LRP1B: variants seen among roughly 807,000 people sequenced by gnomAD.
The protein encoded by LRP1B is low-density lipoprotein receptor-related protein 1B.
In LRP1B, 217 loss-of-function variants were observed where a neutral mutation model predicts 556.6. The observed-to-expected ratio is 0.39, with a 90% confidence interval of 0.35 to 0.44. The LOEUF (loss-of-function observed/expected upper bound fraction) is 0.44. Among genes scored for constraint, LRP1B ranks in the 20% least tolerant of loss-of-function variants. The probability of loss-of-function intolerance (pLI) is 1.00; values close to 1 mark genes in which losing one functional copy is unlikely to be tolerated. For synonymous variants in LRP1B, 2,047 were observed against 1,865.8 expected (o/e 1.10, Z -2.50); for missense variants, 5,053 against 5,620.8 (o/e 0.90, Z 3.23).
intron 7 of LRP1B, among the ~76,000 whole-genome samples, chr2:141,161,345 G>A (rs569226425): frequency 2.0e-5 from 3 of 152,162 alleles, no homozygotes; most frequent in Non-Finnish European, 2.9e-5. Context: ...AAAACGATGA[G>A]CAAAAAGTAA....
intron 22 of LRP1B, among the ~76,000 whole-genome samples, chr2:140,907,588 C>T (rs552788820): frequency 3.3e-5 from 5 of 152,132 alleles, no homozygotes. Context: ...AGTTCAACTG[C>T]GGGAACATCA....
intron 31 of LRP1B, among the ~76,000 whole-genome samples, chr2:140,832,091 G>A (rs2105077593): frequency 6.6e-6 from 1 of 152,204 alleles, no homozygotes; most frequent in South Asian, 2.1e-4. Flanking sequence ...TAATACAGTT[G>A]ACCTTCAATC....
chr2:140,789,617 A>ATTTTT (rs1690035095), intron 32 of LRP1B, among the ~76,000 whole-genome samples: 4 of 85,194 alleles, frequency 4.7e-5, no homozygotes, highest in Non-Finnish European at 7.5e-5. Context: ...AGCTTTAAGG[A>ATTTTT]CTTTTTTTTT....
intron 18 of LRP1B, among the ~76,000 whole-genome samples, chr2:140,971,490 C>A (rs893513695): frequency 3.9e-5 from 6 of 152,130 alleles, no homozygotes; most frequent in Admixed American, 3.9e-4. Context: ...CTAAAAAATT[C>A]TAATTGGTAG....
At chr2:141,227,437 A>G (rs1227816425) in intron 6 of LRP1B, among the ~76,000 whole-genome samples, 1 of 152,202 alleles carries the variant, frequency 6.6e-6, no homozygotes, top group Non-Finnish European at 1.5e-5. Context: ...AAATACTTAT[A>G]TCAGAAGGCA....
intron 82 of LRP1B, 97 bp downstream of exon 82, chr2:140,321,866 C>T (rs1680152337): frequency 3.2e-6 from 4 of 1,237,594 alleles, no homozygotes; most frequent in Admixed American, 2.2e-5. Flanking sequence ...GGTAGCTAAA[C>T]TGATGATGGA....
chr2:140,886,394 C>T lies in LRP1B; in HGVS notation c.3767-59G>A, dbSNP rs189733635. ...AAATGTAAACTCTGGTAATGAAATG[C>T]TTGGGATCAAAATATATTATTTAAA... On this transcript the variant is annotated intron_variant, in intron 23 of 90. Transcript: ENST00000389484. The T allele has an allele frequency of 5.5e-5, 47 of 858,302 alleles. No individual in the cohort carries two copies. The East Asian group carries it at 1.3e-3, about 24-fold the overall frequency. 53.2% of individuals were successfully genotyped at this position (858,302 alleles called of 1,614,324 possible). A position where few individuals can be genotyped will look rare whatever the true frequency, so the allele number is the denominator to read the frequency against.
intron 1 of LRP1B, among the ~76,000 whole-genome samples, chr2:141,985,249 G>T (rs540181843): frequency 2.0e-5 from 3 of 152,108 alleles, no homozygotes; most frequent in Non-Finnish European, 2.9e-5. Flanking sequence ...TTAATATTTA[G>T]AGGAGTAGCA....
chr2:141,925,959 G>GA (rs1034843023), intron 1 of LRP1B, among the ~76,000 whole-genome samples: 9 of 152,142 alleles, frequency 5.9e-5, no homozygotes, highest in Middle Eastern at 3.4e-3. Context: ...GAAGATTTAT[G>GA]AAAAAAACAC....
At chr2:140,239,855 T>C (rs999477592) in intron 87 of LRP1B, among the ~76,000 whole-genome samples, 12 of 150,968 alleles carry the variant, frequency 7.9e-5, no homozygotes, top group South Asian at 2.1e-4. Flanking sequence ...AAGTACCTGC[T>C]AGTACCTCTT....
chr2:142,105,322 C>A (rs1157237091), intron 1 of LRP1B, among the ~76,000 whole-genome samples: 8 of 152,148 alleles, frequency 5.3e-5, no homozygotes, highest in African/African-American at 1.9e-4. Flanking sequence ...GATTGGACAT[C>A]CTAGTTCTTT....
intron 41 of LRP1B, among the ~76,000 whole-genome samples, chr2:140,682,152 G>T (rs1685881639): frequency 6.6e-6 from 1 of 152,138 alleles, no homozygotes; most frequent in Admixed American, 6.6e-5. Flanking sequence ...ATTTGTCAGA[G>T]CTCATTATAA....
chr2:141,862,030 T>C (rs981135449), intron 1 of LRP1B, among the ~76,000 whole-genome samples: 1 of 152,226 alleles, frequency 6.6e-6, no homozygotes, highest in Non-Finnish European at 1.5e-5. Flanking sequence ...CAAACCTATA[T>C]ATAAAATTCC....
chr2:141,055,030 T>C (rs1232789678), intron 10 of LRP1B, 86 bp downstream of exon 10: 3 of 1,464,188 alleles, frequency 2.0e-6, no homozygotes, highest in Non-Finnish European at 2.8e-6. Context: ...TCTCATGTTA[T>C]GACTGATGTT....
At chr2:141,632,869 C>A (rs1423790948) in intron 2 of LRP1B, among the ~76,000 whole-genome samples, 6 of 133,236 alleles carry the variant, frequency 4.5e-5, no homozygotes, top group African/African-American at 1.1e-4. Flanking sequence ...CTACAAGAAC[C>A]AAAAAAAAAA....
At chr2:140,636,743 T>C (rs574789553) in intron 41 of LRP1B, among the ~76,000 whole-genome samples, 89 of 152,312 alleles carry the variant, frequency 5.8e-4, no homozygotes, top group African/African-American at 2.0e-3. Context: ...CTAAAACAAA[T>C]AATATTACAC....
intron 3 of LRP1B, among the ~76,000 whole-genome samples, chr2:141,339,122 C>T (rs1363715618): frequency 6.6e-6 from 1 of 152,020 alleles, no homozygotes; most frequent in Non-Finnish European, 1.5e-5. Flanking sequence ...CCCTGAACTC[C>T]AGGCTAAGAC....
At chr2:140,523,398 A>C (rs1435210018) in intron 49 of LRP1B, among the ~76,000 whole-genome samples, 1 of 151,886 alleles carries the variant, frequency 6.6e-6, no homozygotes, top group Admixed American at 6.6e-5. Context: ...AATAAGAGCC[A>C]TCTGTGACAA....
intron 66 of LRP1B, among the ~76,000 whole-genome samples, chr2:140,386,935 A>G (rs1266498054): frequency 6.6e-6 from 1 of 152,222 alleles, no homozygotes; most frequent in Non-Finnish European, 1.5e-5. Context: ...GAATTTTGCT[A>G]TAATGGAAAT....
Sources: allele counts gnomAD v4.1 joint callset (sites outside exome capture counted in the v4.1 genomes callset), GRCh38; gene constraint gnomAD v4.1.1; transcripts MANE v1.5; gene names NCBI Gene and HGNC (gene_info 2026-07-23, HGNC 2026-07-21).